The following LRMDA variants were observed in gnomAD, a reference collection of about 807,000 sequenced individuals.
LRMDA encodes leucine rich melanocyte differentiation associated.
Under a neutral mutation model 29.8 loss-of-function variants are expected in LRMDA, and 18 were observed. The ratio of observed to expected loss-of-function variants is 0.60; its 90% confidence interval spans 0.42 to 0.90. The LOEUF is 0.90. Ranked by LOEUF, LRMDA falls within the 40% of genes least tolerant of loss-of-function variation. The pLI, the probability that LRMDA is intolerant of heterozygous loss-of-function variation, is 0.00. For missense variants in LRMDA, 273 were observed against 273.9 expected (o/e 1.00, Z 0.02); for synonymous variants, 125 against 109.4 (o/e 1.14, Z -0.89).
intron 5 of LRMDA, among the ~76,000 whole-genome samples, chr10:76,167,713 C>G (rs1850766291): frequency 6.6e-6 from 1 of 152,050 alleles, no homozygotes; most frequent in Admixed American, 6.6e-5. Flanking sequence ...TTCTTTTTTG[C>G]TTAGGATTCC....
At chr10:76,267,500 C>T (rs1840021242) in intron 5 of LRMDA, among the ~76,000 whole-genome samples, 1 of 152,154 alleles carries the variant, frequency 6.6e-6, no homozygotes, top group Admixed American at 6.5e-5. Flanking sequence ...CTTTCCAGCC[C>T]TGGTAACCTC....
At chr10:76,297,122 C>T (rs999589541) in intron 5 of LRMDA, among the ~76,000 whole-genome samples, 2 of 152,230 alleles carry the variant, frequency 1.3e-5, no homozygotes, top group African/African-American at 4.8e-5. Context: ...TCTGCCTGTT[C>T]TCATGGCAAT....
intron 2 of LRMDA, among the ~76,000 whole-genome samples, chr10:75,718,468 T>C (rs1439727374): frequency 6.6e-6 from 1 of 152,170 alleles, no homozygotes; most frequent in Non-Finnish European, 1.5e-5. Context: ...GCCAAGATCA[T>C]CATCAGTGGG....
intron 2 of LRMDA, among the ~76,000 whole-genome samples, chr10:75,609,003 C>G (rs1001651799): frequency 2.0e-5 from 3 of 152,172 alleles, no homozygotes; most frequent in Non-Finnish European, 2.9e-5. Context: ...CACGTACTCT[C>G]AAAGAGTGTA....
At chr10:76,356,161 T>C (rs1001803300) in intron 6 of LRMDA, among the ~76,000 whole-genome samples, 1 of 152,190 alleles carries the variant, frequency 6.6e-6, no homozygotes, top group African/African-American at 2.4e-5. Flanking sequence ...GCAAAGTGTT[T>C]TAGAAAGAAA....
intron 5 of LRMDA, among the ~76,000 whole-genome samples, chr10:76,255,026 C>G (rs950608922): frequency 3.9e-5 from 6 of 152,160 alleles, no homozygotes; most frequent in African/African-American, 1.4e-4. Flanking sequence ...TTCACTCAGC[C>G]TTTCAAATCA....
intron 5 of LRMDA, among the ~76,000 whole-genome samples, chr10:76,082,881 G>A (rs1215420522): frequency 6.6e-6 from 1 of 152,164 alleles, no homozygotes; most frequent in South Asian, 2.1e-4. Flanking sequence ...GTTCGTAGGA[G>A]GATTTTCATT....
chr10:75,671,432 T>C (rs1184560608), intron 2 of LRMDA, among the ~76,000 whole-genome samples: 2 of 152,186 alleles, frequency 1.3e-5, no homozygotes, highest in Non-Finnish European at 2.9e-5. Context: ...TGAGCTTTTC[T>C]TTAAGAAACA....
rs545978417 is a variant in LRMDA at position 76,559,970 on chromosome 10, T to C, written c.*2682T>C. The C allele has an allele frequency of 6.6e-6, 1 of 152,354 alleles. No homozygotes were observed. The highest frequency in any genetic ancestry group is 2.4e-5 in the African/African-American group (1 of 41,578). 9.4% of individuals were successfully genotyped at this position (152,354 alleles called of 1,614,324 possible). On this transcript the variant is annotated 3_prime_UTR_variant, in exon 7 of 7. Transcript: ENST00000611255. ...CCTCAGGGAATAATGTCTTGGATTGTGGGGAATCCTATTAAAAGTACAACT... is the reference window on the plus strand; with the variant it reads ...CCTCAGGGAATAATGTCTTGGATTGCGGGGAATCCTATTAAAAGTACAACT...
chr10:76,144,885 G>A (rs529661205), intron 5 of LRMDA, among the ~76,000 whole-genome samples: 91 of 152,242 alleles, frequency 6.0e-4, no homozygotes, highest in African/African-American at 2.1e-3. Flanking sequence ...CTAATTTATT[G>A]AGAGTTTTTA....
intron 6 of LRMDA, among the ~76,000 whole-genome samples, chr10:76,489,594 C>A (rs74653725): frequency 6.6e-6 from 1 of 151,658 alleles, no homozygotes; most frequent in Non-Finnish European, 1.5e-5. Context: ...TTCTTTAAGA[C>A]GCATCCTTAG....
At chr10:75,693,615 C>A (rs1307813009) in intron 2 of LRMDA, among the ~76,000 whole-genome samples, 1 of 152,142 alleles carries the variant, frequency 6.6e-6, no homozygotes, top group Non-Finnish European at 1.5e-5. Flanking sequence ...GATGCCCTTG[C>A]CTTGTTTTAT....
At chr10:76,446,250 T>A (rs550490363) in intron 6 of LRMDA, among the ~76,000 whole-genome samples, 128 of 152,332 alleles carry the variant, frequency 8.4e-4, no homozygotes, top group African/African-American at 3.0e-3. Flanking sequence ...TACTCCATCA[T>A]ATAAATTTGA....
At chr10:76,461,612 C>T (rs999981476) in intron 6 of LRMDA, among the ~76,000 whole-genome samples, 1 of 152,116 alleles carries the variant, frequency 6.6e-6, no homozygotes, top group Non-Finnish European at 1.5e-5. Flanking sequence ...AATAAAGCTC[C>T]TGACAGAGTG....
At chr10:76,476,174 G>T (rs1397974955) in intron 6 of LRMDA, among the ~76,000 whole-genome samples, 2 of 152,080 alleles carry the variant, frequency 1.3e-5, no homozygotes, top group Non-Finnish European at 2.9e-5. Context: ...AAGAATAAAA[G>T]AGAGAAGAAT....
chr10:76,345,560 A>G (rs1237284471), intron 6 of LRMDA, among the ~76,000 whole-genome samples: 1 of 151,208 alleles, frequency 6.6e-6, no homozygotes, highest in African/African-American at 2.4e-5. Flanking sequence ...ACTTATGCAT[A>G]AAAGGTGGGA....
intron 6 of LRMDA, among the ~76,000 whole-genome samples, chr10:76,325,388 A>G (rs1220009755): frequency 1.3e-5 from 2 of 152,226 alleles, no homozygotes; most frequent in African/African-American, 2.4e-5. Flanking sequence ...GTGTTTGGGC[A>G]TCAATAGAAC....
intron 2 of LRMDA, among the ~76,000 whole-genome samples, chr10:75,802,160 T>A (rs1291138336): frequency 6.6e-6 from 1 of 152,028 alleles, no homozygotes; most frequent in Admixed American, 6.5e-5. Flanking sequence ...CTACAAAAAA[T>A]TTAAAAAATT....
At chr10:75,571,232 G>C (rs4561144) in intron 2 of LRMDA, among the ~76,000 whole-genome samples, 8,800 of 152,238 alleles carry the variant, frequency 0.058, 773 homozygotes, top group African/African-American at 0.19. Flanking sequence ...CATGTGTGTG[G>C]CTCATAAGCA....
Sources: gnomAD v4.1 joint callset for allele counts (sites outside exome capture counted in the v4.1 genomes callset) on GRCh38, gnomAD v4.1.1 for gene constraint, MANE v1.5 for transcripts, NCBI Gene and HGNC (gene_info 2026-07-23, HGNC 2026-07-21) for gene names.